Variants in TCEA2 observed in about 807,000 individuals in gnomAD.
TCEA2 encodes the protein transcription elongation factor A2.
A neutral mutation model predicts 40.8 loss-of-function variants in TCEA2; 21 were observed. The observed-to-expected ratio is 0.51, with a 90% confidence interval of 0.36 to 0.74. The LOEUF (loss-of-function observed/expected upper bound fraction) is 0.74. Among genes scored for constraint, TCEA2 ranks in the 30% least tolerant of loss-of-function variants. The pLI is 0.00. For synonymous variants in TCEA2, 165 were observed against 162.7 expected (o/e 1.01, Z -0.11); for missense variants, 326 against 426.5 (o/e 0.76, Z 2.08).
chr20:64,066,574 C>T (rs1314895013), intron 2 of TCEA2, 36 bp downstream of exon 2: 1 of 1,606,476 alleles, frequency 6.2e-7, no homozygotes, highest in East Asian at 2.2e-5. Flanking sequence ...AGGACAGCTC[C>T]TGGGTGCAGC....
At chr20:64,071,795 A>G (rs45584540) in intron 8 of TCEA2, 75 bp from the exon 9 acceptor site, 102,829 of 1,563,816 alleles carry the variant, frequency 0.066, 3,627 homozygotes, top group African/African-American at 0.1. Context: ...CGAGGCCCGC[A>G]CTGCCCATGT....
In TCEA2 at chr20:64,066,961, C is replaced by T. The variant is rs1194300954; in HGVS notation, c.182C>T (p.Ser61Leu). The change falls in exon 3 of 10, where the codon TCG becomes TTG. Residue 61 changes from serine (S) to leucine (L), a missense_variant. Physicochemically the swap from Ser to Leu is moderately radical, Grantham distance 145 (BLOSUM62 -2). Transcript: ENST00000343484. The part of the protein sequence containing the change: ...MSVNALRKQS[S>L]DEEVIALAKS... ...GTCAACGCCCTTCGGAAGCAGAGCT[C>T]GGATGAGGAGGTCATTGCACTGGCC... 9 of 1,613,848 alleles carry T rather than the reference C, an allele frequency of 5.6e-6. No individual in the cohort carries two copies. Among genetic ancestry groups the T allele is most frequent in the African/African-American group, 2.7e-5 (2 of 74,906 alleles).
chr20:64,067,501 A>C (rs2059724405), intron 3 of TCEA2, among the ~76,000 whole-genome samples: 1 of 151,206 alleles, frequency 6.6e-6, no homozygotes, highest in Non-Finnish European at 1.5e-5. Flanking sequence ...GCTGGACTGA[A>C]GGCTGCCTCT....
rs150294548 is a variant in TCEA2 at position 64,068,125 on chromosome 20, C to T, written c.320C>T (p.Pro107Leu). ...PTSSRDASEA[P>L]DPSRKRPELP... ...TCCTCGAGGGATGCCTCAGAGGCCC[C>T]GGATCCCAGGTAGCACACCTGGAAG... is the stretch of plus-strand genomic sequence containing the variant. Residue 107 changes from proline to leucine, a missense_variant, in exon 4 of 10, where the codon CCG becomes CTG. Pro to Leu is a moderately conservative substitution (Grantham distance 98). Transcript: ENST00000343484. 141 of 1,607,424 alleles carry T rather than the reference C, an allele frequency of 8.8e-5. 3 individuals are homozygous for T. The South Asian group carries it at 1.4e-3, about 16-fold the overall frequency.
chr20:64,063,676 G>A (rs2145457651), intron 1 of TCEA2: 2 of 476,086 alleles, frequency 4.2e-6, no homozygotes, highest in Admixed American at 7.8e-5. Context: ...CGCAGTCACA[G>A]GCTCCGCACC....
chr20:64,072,063 C>T, intron 9 of TCEA2, 109 bp from the exon 10 acceptor site: 3 of 1,595,532 alleles, frequency 1.9e-6, no homozygotes, highest in Non-Finnish European at 2.6e-6. Flanking sequence ...TCCTGGGAGT[C>T]TTGGGCATGG....
intron 1 of TCEA2, chr20:64,065,513 T>TGAGAAG (rs1463857740): frequency 7.2e-6 from 1 of 138,060 alleles, no homozygotes; most frequent in Non-Finnish European, 1.6e-5. Context: ...GAGAAGGTGT[T>TGAGAAG]GTTGAAATAA....
chr20:64,066,663 G>C, intron 2 of TCEA2, 125 bp downstream of exon 2: 1 of 1,111,290 alleles, frequency 9.0e-7, no homozygotes, highest in Non-Finnish European at 1.3e-6. Flanking sequence ...ACAAATGCCT[G>C]TTCCTGAGGA....
In TCEA2 at chr20:64,068,099, G is replaced by C; in HGVS notation, c.294G>C (p.Thr98=). 2 of 1,609,482 alleles carry C rather than the reference G, an allele frequency of 1.2e-6. No individual in the cohort carries two copies. Among genetic ancestry groups the C allele is most frequent in the South Asian group, 2.2e-5 (2 of 89,864 alleles). The change falls in exon 4 of 10, where the codon ACG becomes ACC. Residue 98 remains threonine, a synonymous_variant. Transcript: ENST00000343484. ...GGGGGAGGGGCATGCCTCTGCCCAC[G>C]TCCTCGAGGGATGCCTCAGAGGCCC... ...RERGRGMPLP[T]SSRDASEAPD... is the part of the protein sequence containing the mutation.
At chr20:64,055,985 A>G (rs1009210118), upstream of TCEA2, among the ~76,000 whole-genome samples, 5 of 152,076 alleles carry the variant, frequency 3.3e-5, no homozygotes, top group South Asian at 1.0e-3. This position sits in a 1 kb window ranked among gnomAD's most constrained non-coding sequence, Gnocchi z 4.0. Context: ...CCTCTGGGGA[A>G]GGGGAGGGTG....
chr20:64,066,550 C>T lies in TCEA2; in HGVS notation c.135+12C>T, dbSNP rs754034079. 3.1e-6 allele frequency: 5 copies of T among 1,612,848 alleles called. No individual in the cohort carries two copies. Among genetic ancestry groups the T allele is most frequent in the Non-Finnish European group, 4.2e-6 (5 of 1,179,298 alleles). On this transcript the variant is annotated intron_variant, in intron 2 of 9. Transcript: ENST00000343484. ...TGCACCTGCTCCAGGTAGGTCCCTG[C>T]CTGCCCCAGGTCCAGGACAGCTCCT...
intron 1 of TCEA2, among the ~76,000 whole-genome samples, chr20:64,057,895 G>T (rs952233143): frequency 1.3e-5 from 2 of 152,164 alleles, no homozygotes; most frequent in African/African-American, 4.8e-5. Flanking sequence ...CCTGGGGCTT[G>T]GGGGTGGGGT....
rs1179634005 is a variant in TCEA2, at chr20:64,072,205, C to T, written c.*25C>T. On this transcript the variant is annotated 3_prime_UTR_variant, in exon 10 of 10. Transcript: ENST00000343484. ...ACCCCTCGTGTAGATGTGCTGCAGC[C>T]TTGGGCCCTCCCCGGCCCACGTCCT... 3 of 1,608,068 alleles carry T rather than the reference C, an allele frequency of 1.9e-6. No individual in the cohort carries two copies. In the South Asian group the frequency reaches 3.3e-5, roughly 18 times the overall value.
upstream of TCEA2, among the ~76,000 whole-genome samples, chr20:64,055,772 CA>C (rs1261074450): frequency 6.6e-6 from 1 of 152,246 alleles, no homozygotes; most frequent in East Asian, 1.9e-4. This position sits in a 1 kb window ranked among gnomAD's most constrained non-coding sequence, Gnocchi z 4.0. Context: ...TGCCAGAAGG[CA>C]GGGGGCTCTG....
chr20:64,071,807 G>C, intron 8 of TCEA2, 63 bp from the exon 9 acceptor site: 1 of 1,592,990 alleles, frequency 6.3e-7, no homozygotes. Context: ...TGCCCATGTT[G>C]AGGGGATGCC....
upstream of TCEA2, among the ~76,000 whole-genome samples, chr20:64,058,881 G>C (rs562559840): frequency 6.6e-6 from 1 of 152,156 alleles, no homozygotes; most frequent in African/African-American, 2.4e-5. This position sits in a 1 kb window ranked among gnomAD's most constrained non-coding sequence, Gnocchi z 6.7. Context: ...ACACCTTTCT[G>C]CTAGAGGTCG....
intron 9 of TCEA2, 49 bp downstream of exon 9, chr20:64,071,990 T>C (rs760482016): frequency 1.2e-6 from 2 of 1,611,700 alleles, no homozygotes; most frequent in Non-Finnish European, 1.7e-6. Flanking sequence ...TCTCTGGAGG[T>C]GGGGTGTCTC....
At position 64,063,274 on chromosome 20, in the gene TCEA2, G is replaced by GCGGGCGCGA; in HGVS notation, c.-30_-22dup. On this transcript the variant is annotated 5_prime_UTR_variant, in exon 1 of 10. Coordinates refer to ENST00000343484, the MANE Select transcript of TCEA2 (RefSeq NM_003195.6). ...GCCGGGGTCCTGCCCGGCTGCGGAG[G>GCGGGCGCGA]CGGGCGCGACGGGCGCGGGGGTCGC... 2.0e-6 allele frequency: 3 copies of GCGGGCGCGA among 1,507,284 alleles called. No homozygotes were observed. The highest frequency in any genetic ancestry group is 1.2e-5 in the South Asian group (1 of 80,832). 93.4% of individuals were successfully genotyped at this position (1,507,284 alleles called of 1,614,324 possible).
upstream of TCEA2, among the ~76,000 whole-genome samples, chr20:64,060,569 C>T (rs192864807): frequency 6.6e-6 from 1 of 152,146 alleles, no homozygotes; most frequent in Non-Finnish European, 1.5e-5. Flanking sequence ...TGAGGCTGGA[C>T]CCTTCAAGTC....
Sources: allele counts gnomAD v4.1 joint callset (sites outside exome capture counted in the v4.1 genomes callset), GRCh38; gene constraint gnomAD v4.1.1; non-coding constraint Gnocchi (gnomAD v3.1); transcripts MANE v1.5; gene names NCBI Gene and HGNC (gene_info 2026-07-23, HGNC 2026-07-21).